ANKFN1: variants seen among roughly 807,000 people sequenced by gnomAD.
The protein encoded by ANKFN1 is ankyrin repeat and fibronectin type-III domain-containing protein 1.
In ANKFN1, 74 loss-of-function variants were observed where a neutral mutation model predicts 108.7. The ratio of observed to expected loss-of-function variants is 0.68; its 90% CI spans 0.56 to 0.83. The LOEUF is 0.83. ANKFN1 is among the 40% of genes least tolerant of loss of function. The pLI is 0.00. For missense variants in ANKFN1, 1,505 were observed against 1,382.3 expected, an observed-to-expected ratio of 1.09 and a Z score of -1.41; for synonymous variants, 547 against 516.2, an observed-to-expected ratio of 1.06 and a Z score of -0.81.
intron 4 of ANKFN1, among the ~76,000 whole-genome samples, chr17:56,096,795 G>A (rs562218536): frequency 2.7e-4 from 41 of 152,252 alleles, no homozygotes; most frequent in African/African-American, 7.5e-4. Context: ...TCATTCTACC[G>A]TAAAGACACA....
chr17:56,372,145 G>T (rs1324869672), intron 6 of ANKFN1, among the ~76,000 whole-genome samples: 3 of 152,208 alleles, frequency 2.0e-5, no homozygotes. Flanking sequence ...ATGTCTATAA[G>T]CTGGGAAGAA....
chr17:56,220,834 GGA>G (rs1181057131), intron 2 of ANKFN1, among the ~76,000 whole-genome samples: 3 of 51,452 alleles, frequency 5.8e-5, no homozygotes, highest in African/African-American at 2.5e-4. Context: ...AAGGAAGGGA[GGA>G]AGGGAGGGAG....
chr17:56,307,163 A>G (rs2144408145), intron 3 of ANKFN1, among the ~76,000 whole-genome samples: 1 of 152,346 alleles, frequency 6.6e-6, no homozygotes, highest in Non-Finnish European at 1.5e-5. Context: ...GGACATAGGC[A>G]TGGGCAAGGA....
At chr17:56,309,836 C>T (rs2044957892) in intron 3 of ANKFN1, among the ~76,000 whole-genome samples, 2 of 152,220 alleles carry the variant, frequency 1.3e-5, no homozygotes, top group East Asian at 3.9e-4. Flanking sequence ...TAAATGTGTT[C>T]TCTCTCTCTC....
At chr17:56,472,363 C>T (rs946579882) in intron 15 of ANKFN1, 2 of 152,116 alleles carry the variant, frequency 1.3e-5, no homozygotes, top group Non-Finnish European at 2.9e-5. Flanking sequence ...TTTCATACTC[C>T]ATCCAACAAA....
intron 8 of ANKFN1, among the ~76,000 whole-genome samples, chr17:56,384,688 G>A (rs1349461586): frequency 6.6e-6 from 1 of 152,110 alleles, no homozygotes; most frequent in African/African-American, 2.4e-5. Flanking sequence ...GATAAACAGA[G>A]AGCCAAATCA....
chr17:56,457,990 A>C lies in ANKFN1; in HGVS notation c.1557+11A>C. The stretch of plus-strand genomic sequence containing the variant: ...ACAGCACAGCTACAGGTAAGGGACC[A>C]GGTTTCAACCCAGGCCCCCAAGGAA... On this transcript the variant is annotated intron_variant, in intron 14 of 20. Transcript: ENST00000682825. The C allele has an allele frequency of 6.2e-7, 1 of 1,607,988 alleles. No individual in the cohort carries two copies. The highest frequency in any genetic ancestry group is 1.3e-5 in the African/African-American group (1 of 74,954).
At chr17:56,083,164 C>T (rs956478314) in intron 4 of ANKFN1, among the ~76,000 whole-genome samples, 13 of 150,886 alleles carry the variant, frequency 8.6e-5, no homozygotes, top group African/African-American at 2.9e-4. Flanking sequence ...ACTCAGAGAA[C>T]GGAAAAATGA....
chr17:56,249,448 A>T (rs1357598193), intron 3 of ANKFN1, among the ~76,000 whole-genome samples: 1 of 152,110 alleles, frequency 6.6e-6, no homozygotes, highest in Non-Finnish European at 1.5e-5. Context: ...AAATAAAAAA[A>T]AAAAAGTCAA....
chr17:56,355,363 C>T (rs536872596), intron 6 of ANKFN1, among the ~76,000 whole-genome samples: 3 of 152,104 alleles, frequency 2.0e-5, no homozygotes, highest in Non-Finnish European at 1.5e-5. Flanking sequence ...GTCAAATTCT[C>T]GGCAGAGTGA....
intron 4 of ANKFN1, among the ~76,000 whole-genome samples, chr17:56,055,787 T>C (rs933540750): frequency 1.3e-5 from 2 of 151,276 alleles, no homozygotes; most frequent in Non-Finnish European, 2.9e-5. Flanking sequence ...TTTAGTTCTT[T>C]GAGAAATCTC....
chr17:56,056,826 C>T (rs1017757031), intron 4 of ANKFN1, among the ~76,000 whole-genome samples: 3 of 152,124 alleles, frequency 2.0e-5, no homozygotes, highest in Non-Finnish European at 4.4e-5. Flanking sequence ...GATAAATTGG[C>T]AATTTTAAAA....
chr17:56,422,438 C>G (rs1201902585), intron 8 of ANKFN1, among the ~76,000 whole-genome samples: 1 of 152,034 alleles, frequency 6.6e-6, no homozygotes, highest in Non-Finnish European at 1.5e-5. Context: ...GCTGCCACCA[C>G]ACACATGCAT....
At chr17:56,270,284 G>A (rs1209513453) in intron 3 of ANKFN1, among the ~76,000 whole-genome samples, 1 of 152,176 alleles carries the variant, frequency 6.6e-6, no homozygotes, top group African/African-American at 2.4e-5. Flanking sequence ...TTGAGACAGG[G>A]CAGCTTGCCC....
intron 3 of ANKFN1, among the ~76,000 whole-genome samples, chr17:56,261,709 C>T (rs923404859): frequency 6.6e-6 from 1 of 152,160 alleles, no homozygotes; most frequent in Non-Finnish European, 1.5e-5. Flanking sequence ...CAGTCTAGTC[C>T]TTCCACGTTC....
intron 1 of ANKFN1, among the ~76,000 whole-genome samples, chr17:56,211,727 C>A (rs1218887220): frequency 6.6e-6 from 1 of 152,130 alleles, no homozygotes; most frequent in African/African-American, 2.4e-5. Flanking sequence ...TTGATTCTAC[C>A]AATCCATGAG....
chr17:56,467,835 AAAGAAAGAAAGAAAGAAAAAG>A, intron 15 of ANKFN1, among the ~76,000 whole-genome samples: 1 of 38,204 alleles, frequency 2.6e-5, no homozygotes, highest in Non-Finnish European at 4.9e-5. Flanking sequence ...AGAAAGAAAG[AAAGAAAGAAAGAAAGAAAAAG>A]GGAAAGAAAG....
At chr17:56,235,870 A>T (rs1567855317) in intron 3 of ANKFN1, among the ~76,000 whole-genome samples, 1 of 152,056 alleles carries the variant, frequency 6.6e-6, no homozygotes, top group Non-Finnish European at 1.5e-5. Flanking sequence ...TTTTGAAATC[A>T]TTTTTTCTAA....
intron 3 of ANKFN1, among the ~76,000 whole-genome samples, chr17:56,285,191 G>A (rs1362223076): frequency 6.6e-6 from 1 of 152,132 alleles, no homozygotes; most frequent in Admixed American, 6.5e-5. Flanking sequence ...CAGGGGTGCG[G>A]TTGGGGACTG....
Sources: allele counts gnomAD v4.1 joint callset (sites outside exome capture counted in the v4.1 genomes callset), GRCh38; gene constraint gnomAD v4.1.1; transcripts MANE v1.5; gene names NCBI Gene and HGNC (gene_info 2026-07-23, HGNC 2026-07-21).